RUFY3: variants seen among roughly 807,000 people sequenced by gnomAD.
The protein encoded by RUFY3 is protein RUFY3.
A neutral mutation model predicts 84.0 loss-of-function variants in RUFY3; 34 were observed. The ratio of observed to expected loss-of-function variants is 0.40; its 90% CI spans 0.31 to 0.54. The LOEUF (loss-of-function observed/expected upper bound fraction) is 0.54. RUFY3 is among the 20% of genes least tolerant of loss of function. The pLI, the probability that RUFY3 is intolerant of heterozygous loss-of-function variation, is 0.39. For synonymous variants in RUFY3, 242 were observed against 252.9 expected, an observed-to-expected ratio of 0.96 and a Z score of 0.41; for missense variants, 507 against 736.8, an observed-to-expected ratio of 0.69 and a Z score of 3.61.
At position 70,764,483 on chromosome 4, in the gene RUFY3, T is replaced by G. The variant is rs1306949077; in HGVS notation, c.479T>G (p.Val160Gly). Residue 160 changes from valine (V) to glycine (G), a missense_variant, in exon 4 of 18, where the codon GTA becomes GGA. By Grantham distance (109) the Val-to-Gly change is moderately radical. Transcript: ENST00000381006. ...VKDLPGLKTPVGRGRAWLRLA... is the reference protein window; with the variant it reads ...VKDLPGLKTPGGRGRAWLRLA... Reference sequence around the variant, plus strand: ...TTTCTGTGTTTTTGTAGGACACCAGTAGGTAGAGGAAGAGCCTGGCTTCGT... The same window carrying G: ...TTTCTGTGTTTTTGTAGGACACCAGGAGGTAGAGGAAGAGCCTGGCTTCGT... The G allele has an allele frequency of 8.7e-6, 14 of 1,610,630 alleles. No individual in the cohort carries two copies. The highest frequency in any genetic ancestry group is 1.1e-5 in the Non-Finnish European group (13 of 1,177,202).
intron 15 of RUFY3, among the ~76,000 whole-genome samples, chr4:70,802,260 C>T (rs187852331): frequency 7.9e-5 from 12 of 152,250 alleles, no homozygotes; most frequent in Non-Finnish European, 7.4e-5. Context: ...CAAGGAACAT[C>T]GGAAAACCTG....
chr4:70,704,789 A>C, upstream of RUFY3: 1 of 478,544 alleles, frequency 2.1e-6, no homozygotes, highest in Non-Finnish European at 3.2e-6. Flanking sequence ...GGCGGAGCCC[A>C]GGCGCCAGCC....
At chr4:70,769,547 G>A (rs1271980610) in intron 5 of RUFY3, among the ~76,000 whole-genome samples, 1 of 152,192 alleles carries the variant, frequency 6.6e-6, no homozygotes. Context: ...GATCTTGGCA[G>A]TTGCTGAAAG....
At chr4:70,789,192 G>T (rs756913033) in intron 11 of RUFY3, among the ~76,000 whole-genome samples, 1 of 152,162 alleles carries the variant, frequency 6.6e-6, no homozygotes, top group Non-Finnish European at 1.5e-5. Flanking sequence ...TATAGTAGAG[G>T]ATGAGGGTCT....
intron 1 of RUFY3, among the ~76,000 whole-genome samples, chr4:70,733,113 A>AGGGAGGGAGGGAGG (rs1719649519): frequency 1.2e-5 from 1 of 85,182 alleles, no homozygotes; most frequent in African/African-American, 5.1e-5. Flanking sequence ...AGAGAGAGAG[A>AGGGAGGGAGGGAGG]GAGAGAGGGA....
chr4:70,792,089 T>G (rs1730917022), intron 12 of RUFY3: 8 of 985,734 alleles, frequency 8.1e-6, no homozygotes, highest in South Asian at 9.4e-5. Context: ...CTTAGGCAGT[T>G]CAGAGAGAAC....
At chr4:70,790,418 T>C (rs771887321) in intron 12 of RUFY3, among the ~76,000 whole-genome samples, 1 of 152,236 alleles carries the variant, frequency 6.6e-6, no homozygotes, top group Non-Finnish European at 1.5e-5. Context: ...TGCTGGTCCC[T>C]GTACTTCCCA....
intron 12 of RUFY3, chr4:70,793,579 C>T: frequency 6.9e-7 from 1 of 1,446,254 alleles, no homozygotes; most frequent in Non-Finnish European, 9.1e-7. Flanking sequence ...GCCTGGTTCA[C>T]CTTCATCTTA....
intron 14 of RUFY3, among the ~76,000 whole-genome samples, chr4:70,798,931 A>G (rs933539022): frequency 2.0e-5 from 3 of 151,724 alleles, no homozygotes; most frequent in Non-Finnish European, 2.9e-5. Context: ...TGGGCAGACT[A>G]CCTGGGTCGG....
intron 1 of RUFY3, among the ~76,000 whole-genome samples, chr4:70,730,099 T>A (rs1718996292): frequency 6.6e-6 from 1 of 151,960 alleles, no homozygotes; most frequent in Non-Finnish European, 1.5e-5. Flanking sequence ...CATTTCTGGC[T>A]AATTTCTGTA....
At chr4:70,742,739 C>T (rs1721521482) in intron 1 of RUFY3, among the ~76,000 whole-genome samples, 1 of 152,218 alleles carries the variant, frequency 6.6e-6, no homozygotes, top group African/African-American at 2.4e-5. Context: ...GGGACGAGTA[C>T]TGCCCTCAGT....
chr4:70,738,264 C>T (rs528234260), intron 1 of RUFY3, among the ~76,000 whole-genome samples: 1 of 151,314 alleles, frequency 6.6e-6, no homozygotes, highest in Non-Finnish European at 1.5e-5. Context: ...GCTGGGATTA[C>T]AAGCATGAGC....
At position 70,775,972 on chromosome 4, in the gene RUFY3, C is replaced by A. The variant is rs189853907; in HGVS notation, c.824+739C>A. ...AAAAAAAAAAACGAAAAAAAAGATA[C>A]ATGCTTTGTTTTCCTGCATTTCTCA... On this transcript the variant is annotated intron_variant, in intron 7 of 17. Transcript: ENST00000381006. Among the ~76,000 whole-genome samples, 461 of 140,284 alleles carry A rather than the reference C, an allele frequency of 3.3e-3. 3 individuals carry two copies. The highest frequency in any genetic ancestry group is 0.011 in the Middle Eastern group (3 of 272). 92.0% of individuals were successfully genotyped at this position (140,284 alleles called of 152,430 possible). A position where few individuals can be genotyped will look rare whatever the true frequency, so the allele number is the denominator to read the frequency against.
intron 12 of RUFY3, chr4:70,792,623 T>C (rs1336496635): frequency 5.1e-6 from 5 of 985,296 alleles, no homozygotes; most frequent in Non-Finnish European, 6.0e-6. Context: ...CTGGTATGCT[T>C]TGCAGCATTT....
At chr4:70,705,016 C>G in exon 1 of RUFY3, 16 of 1,223,694 alleles carry the variant, frequency 1.3e-5, no homozygotes, top group Non-Finnish European at 1.6e-5. Flanking sequence ...GAGTGGCGGC[C>G]GGAGGAGCCG....
At chr4:70,799,593 C>G (rs1731973341) in intron 14 of RUFY3, 1 of 152,954 alleles carries the variant, frequency 6.5e-6, no homozygotes, top group Non-Finnish European at 1.5e-5. Flanking sequence ...ACTCAGGAGG[C>G]TGAGACACAA....
chr4:70,741,747 A>C, intron 1 of RUFY3: 3 of 1,198,532 alleles, frequency 2.5e-6, no homozygotes, highest in South Asian at 3.3e-5. Flanking sequence ...ACCACCTTTT[A>C]ATTGTTTTCC....
At chr4:70,729,475 C>G (rs976579237) in intron 1 of RUFY3, among the ~76,000 whole-genome samples, 6 of 152,078 alleles carry the variant, frequency 3.9e-5, no homozygotes, top group African/African-American at 1.4e-4. Flanking sequence ...CCAGGCTGGT[C>G]TCGAACTCCT....
chr4:70,751,523 T>C (rs1723132313), intron 1 of RUFY3, among the ~76,000 whole-genome samples: 1 of 152,246 alleles, frequency 6.6e-6, no homozygotes, highest in Non-Finnish European at 1.5e-5. Flanking sequence ...TCTTTTCATA[T>C]GCTTTCTGGC....
Sources: allele counts gnomAD v4.1 joint callset (sites outside exome capture counted in the v4.1 genomes callset), GRCh38; gene constraint gnomAD v4.1.1; transcripts MANE v1.5; gene names NCBI Gene and HGNC (gene_info 2026-07-23, HGNC 2026-07-21).